MYH14: variants seen among roughly 807,000 people sequenced by gnomAD.
The protein encoded by MYH14 is myosin heavy chain 14.
MYH14 carries 123 observed loss-of-function variants against 255.5 expected under a neutral mutation model. The observed-to-expected ratio is 0.48, with a 90% CI of 0.42 to 0.56. The LOEUF is 0.56. Among genes scored for constraint, MYH14 ranks in the 20% least tolerant of loss-of-function variants. The pLI, the probability that MYH14 is intolerant of heterozygous loss-of-function variation, is 0.00. For synonymous variants in MYH14, 1,095 were observed against 1,161.2 expected (o/e 0.94, Z 1.16); for missense variants, 2,423 against 2,802.3 (o/e 0.86, Z 3.06).
Position 50,280,073 on chromosome 19 carries a change from G to T in MYH14, c.4069G>T (p.Ala1357Ser), listed in dbSNP as rs1407633430. ...LENVSGALNE[A>S]ESKTIRLSKE... is the part of the protein sequence containing the mutation. ...GAATGTGTCTGGGGCGCTGAACGAG[G>T]CTGAGTCCAAAACCATCCGTCTTAG... The change falls in exon 31 of 43, where the codon GCT (alanine) becomes TCT (serine). Residue 1357 changes from alanine to serine, a missense_variant. Physicochemically the swap from Ala to Ser is moderately conservative, Grantham distance 99. This residue lies in a region of MYH14 where 1,513 missense variants were observed against 1,674.8 expected (regional missense o/e 0.90). Coordinates refer to ENST00000642316, the MANE Select transcript of MYH14 (RefSeq NM_001145809.2). This position sits in a 1 kb window ranked among gnomAD's most constrained non-coding sequence, Gnocchi z 4.8. 1 of 1,610,768 alleles carries T rather than the reference G, an allele frequency of 6.2e-7. No individual in the cohort carries two copies. The highest frequency in any genetic ancestry group is 8.5e-7 in the Non-Finnish European group (1 of 1,178,602).
chr19:50,244,873 G>A (rs937061190), intron 11 of MYH14, among the ~76,000 whole-genome samples: 4 of 152,170 alleles, frequency 2.6e-5, no homozygotes, highest in African/African-American at 9.6e-5. Flanking sequence ...AAAGTGAACC[G>A]CACCAGCACG....
rs746502994 is a variant in MYH14 at position 50,249,062 on chromosome 19, C to G, written c.1405C>G (p.Arg469Gly). Residue 469 changes from arginine (R) to glycine (G), a missense_variant, in exon 13 of 43, where the codon CGG becomes GGG. Physicochemically the swap from Arg to Gly is moderately radical, Grantham distance 125 (BLOSUM62 -2). Transcript: ENST00000642316. ...LFRWLVLRLN[R>G]ALDRSPRQGA... ...CCGCTGGCTGGTTCTGCGCCTCAAC[C>G]GGGCCTTGGACCGCAGCCCCCGCCA... The G allele has an allele frequency of 6.2e-7, 1 of 1,611,348 alleles. No individual in the cohort carries two copies. Among genetic ancestry groups the G allele is most frequent in the Non-Finnish European group, 8.5e-7 (1 of 1,179,026 alleles).
chr19:50,271,598 T>C (rs1018347257), intron 25 of MYH14, 52 bp downstream of exon 25: 19 of 1,576,730 alleles, frequency 1.2e-5, no homozygotes, highest in Non-Finnish European at 1.6e-5. Flanking sequence ...CATTGGTGGG[T>C]TAATGAATGG....
chr19:50,272,506 G>A (rs535654536), intron 26 of MYH14, 54 bp from the exon 27 acceptor site: 16 of 1,540,846 alleles, frequency 1.0e-5, no homozygotes, highest in African/African-American at 8.2e-5. Flanking sequence ...CTGTGAGAGC[G>A]GCTGAGTGTG....
intron 9 of MYH14, among the ~76,000 whole-genome samples, chr19:50,231,489 C>T (rs554056199): frequency 1.3e-5 from 2 of 152,280 alleles, no homozygotes; most frequent in South Asian, 4.1e-4. Flanking sequence ...AGGAGGATTG[C>T]TTGAGCCCAG....
In MYH14 at chr19:50,255,355, G is replaced by A. The variant is rs117835612; in HGVS notation, c.2044+37G>A. ...TGTGCATCGATGGGTGAGGCTTGCTGGAGGAGGAGGGTGGACCTGTTGGGC... is the reference window on the plus strand; with the variant it reads ...TGTGCATCGATGGGTGAGGCTTGCTAGAGGAGGAGGGTGGACCTGTTGGGC... On this transcript the variant is annotated intron_variant, in intron 17 of 42. Transcript: ENST00000642316. 23,473 of 1,486,720 alleles carry A rather than the reference G, an allele frequency of 0.016. 238 individuals are homozygous for A. The highest frequency in any genetic ancestry group is 0.019 in the Non-Finnish European group (20,216 of 1,091,098). 92.1% of individuals were successfully genotyped at this position (1,486,720 alleles called of 1,614,324 possible).
chr19:50,279,955 A>G, intron 30 of MYH14, 82 bp from the exon 31 acceptor site: 1 of 954,570 alleles, frequency 1.0e-6, no homozygotes. Flanking sequence ...CATTCCTGCC[A>G]GTGTGGTAGA....
At position 50,245,432 on chromosome 19, in the gene MYH14, AGAAGAAGAAAGAAAG is replaced by A. The variant is rs376845657; in HGVS notation, c.1210+1096_1210+1110del. 3.5e-4 allele frequency among the ~76,000 whole-genome samples: 43 copies of A among 123,448 alleles called. 6 individuals carry two copies. Among genetic ancestry groups the A allele is most frequent in the Non-Finnish European group, 5.2e-4 (32 of 61,872 alleles). 81.0% of individuals were successfully genotyped at this position (123,448 alleles called of 152,430 possible). On this transcript the variant is annotated intron_variant, in intron 11 of 42. Coordinates refer to ENST00000642316, the MANE Select transcript of MYH14 (RefSeq NM_001145809.2). ...AAGAATCTGTCTCCAAAAAAAAAAA[AGAAGAAGAAAGAAAG>A]AAAAAGAAGAAGAAAGAAAGAAAAA...
chr19:50,231,590 G>A (rs1225221366), intron 9 of MYH14, among the ~76,000 whole-genome samples: 1 of 152,094 alleles, frequency 6.6e-6, no homozygotes, highest in Admixed American at 6.6e-5. Context: ...GCACACAGCT[G>A]TAGTCCCAGC....
At chr19:50,254,809 A>G (rs1039269050) in intron 16 of MYH14, among the ~76,000 whole-genome samples, 19 of 152,210 alleles carry the variant, frequency 1.2e-4, no homozygotes, top group African/African-American at 4.3e-4. Flanking sequence ...CTGACAGCCC[A>G]GGGAAAAACG....
chr19:50,309,268 A>C, intron 42 of MYH14, 91 bp downstream of exon 42: 1 of 1,269,834 alleles, frequency 7.9e-7, no homozygotes, highest in Non-Finnish European at 1.1e-6. Context: ...GGGCAACAAC[A>C]GGGGGAAATG....
intron 22 of MYH14, among the ~76,000 whole-genome samples, chr19:50,264,055 CAA>C (rs34015428): frequency 1.2e-4 from 4 of 33,416 alleles, no homozygotes; most frequent in Non-Finnish European, 1.5e-4. Context: ...AACTCTGTCT[CAA>C]AAAAAAAAAA....
Position 50,210,359 on chromosome 19 carries a change from G to A in MYH14, c.-3-4G>A, listed in dbSNP as rs1268919119. 1 of 1,584,692 alleles carries A rather than the reference G, an allele frequency of 6.3e-7. No individual in the cohort carries two copies. Among genetic ancestry groups the A allele is most frequent in the Non-Finnish European group, 8.6e-7 (1 of 1,167,052 alleles). ...ACCCCCACCCTCTTTCTTTGCCCCT[G>A]CAGACCATGGCAGCCGTGACCATGT... On this transcript the variant is annotated splice_polypyrimidine_tract_variant and splice_region_variant and intron_variant, in intron 1 of 42. Transcript: ENST00000642316.
Position 50,293,462 on chromosome 19 carries a change from G to A in MYH14, c.5346-102G>A, listed in dbSNP as rs951794431. 4 of 1,551,302 alleles carry A rather than the reference G, an allele frequency of 2.6e-6. No individual in the cohort carries two copies. The highest frequency in any genetic ancestry group is 1.9e-5 in the Admixed American group (1 of 52,038). Reference sequence around the variant, plus strand: ...CTCGGGGCCCCTGGGGTGTGAGGCTGGGGAGATGCGTGGGGCTAACCACAG... The same window carrying A: ...CTCGGGGCCCCTGGGGTGTGAGGCTAGGGAGATGCGTGGGGCTAACCACAG... On this transcript the variant is annotated intron_variant, in intron 38 of 42. Transcript: ENST00000642316. This position sits in a 1 kb window ranked among gnomAD's most constrained non-coding sequence, Gnocchi z 4.1.
At chr19:50,309,551 C>G in intron 42 of MYH14, 89 bp from the exon 43 acceptor site, 2 of 840,604 alleles carry the variant, frequency 2.4e-6, no homozygotes, top group Non-Finnish European at 1.9e-6. Context: ...CTCTCTCTCT[C>G]TCCCCCTCAT....
chr19:50,246,430 G>A (rs1014583994), intron 11 of MYH14, among the ~76,000 whole-genome samples: 1 of 152,076 alleles, frequency 6.6e-6, no homozygotes, highest in Non-Finnish European at 1.5e-5. Flanking sequence ...ACGGGCGTGA[G>A]CCACCGTGCC....
intron 2 of MYH14, 87 bp from the exon 3 acceptor site, chr19:50,217,528 G>A: frequency 6.9e-7 from 1 of 1,444,444 alleles, no homozygotes; most frequent in Non-Finnish European, 9.7e-7. Context: ...ATGCCCTTGT[G>A]CAGTGCACGG....
Position 50,210,363 on chromosome 19 carries a change from A to G in MYH14, c.-3A>G. The G allele has an allele frequency of 6.3e-7, 1 of 1,585,390 alleles. No individual in the cohort carries two copies. The highest frequency in any genetic ancestry group is 8.6e-7 in the Non-Finnish European group (1 of 1,167,472). ...CCACCCTCTTTCTTTGCCCCTGCAG[A>G]CCATGGCAGCCGTGACCATGTCGGT... On this transcript the variant is annotated splice_region_variant and 5_prime_UTR_variant, in exon 2 of 43. Coordinates refer to ENST00000642316, the MANE Select transcript of MYH14 (RefSeq NM_001145809.2).
At chr19:50,206,344 G>GGCATA (rs1487997040) in intron 1 of MYH14, among the ~76,000 whole-genome samples, 4 of 147,252 alleles carry the variant, frequency 2.7e-5, no homozygotes, top group Non-Finnish European at 6.0e-5. Context: ...ATAGGGCATA[G>GGCATA]GGTGATTGCA....
Sources: allele counts gnomAD v4.1 joint callset (sites outside exome capture counted in the v4.1 genomes callset), GRCh38; gene constraint gnomAD v4.1.1; regional missense constraint gnomAD v4.1.1; non-coding constraint Gnocchi (gnomAD v3.1); transcripts MANE v1.5; gene names NCBI Gene and HGNC (gene_info 2026-07-23, HGNC 2026-07-21).